Variants in CAMKK1 observed in about 807,000 individuals in gnomAD.
CAMKK1 encodes calcium/calmodulin-dependent protein kinase kinase 1.
In CAMKK1, 20 loss-of-function variants were observed where a neutral mutation model predicts 63.5. The ratio of observed to expected loss-of-function variants is 0.32; its 90% CI spans 0.22 to 0.46. The LOEUF is 0.46. Ranked by LOEUF, CAMKK1 falls within the 20% of genes least tolerant of loss-of-function variation. The pLI, the probability that CAMKK1 is intolerant of heterozygous loss-of-function variation, is 1.00. For missense variants in CAMKK1, 588 were observed against 658.1 expected, an observed-to-expected ratio of 0.89 and a Z score of 1.17; for synonymous variants, 253 against 269.0, an observed-to-expected ratio of 0.94 and a Z score of 0.58.
In CAMKK1 at chr17:3,862,332, A is replaced by C. The variant is rs2054356918; in HGVS notation, c.1446-49T>G. On this transcript the variant is annotated intron_variant, in intron 15 of 15. Transcript: ENST00000348335. This position sits in a 1 kb window ranked among gnomAD's most constrained non-coding sequence, Gnocchi z 4.1. The stretch of plus-strand genomic sequence containing the variant: ...GAGGGACCTCAGGGTCAGAATATGC[A>C]CTCAGGGAGACACTCTCCCTCACAC... 7.3e-7 allele frequency: 1 copy of C among 1,362,134 alleles called. No homozygotes were observed. The highest frequency in any genetic ancestry group is 2.0e-5 in the Admixed American group (1 of 50,802). The allele number at this position is 1,362,134 out of a possible 1,614,324, so 84.4% of individuals were successfully genotyped here.
In CAMKK1 at chr17:3,883,793, G is replaced by C; in HGVS notation, c.462+91C>G. 6.1e-6 allele frequency: 8 copies of C among 1,320,448 alleles called. No homozygotes were observed. The highest frequency in any genetic ancestry group is 8.7e-6 in the Non-Finnish European group (8 of 917,588). The allele number at this position is 1,320,448 out of a possible 1,614,324, so 81.8% of individuals were successfully genotyped here. A position where few individuals can be genotyped will look rare whatever the true frequency, so the allele number is the denominator to read the frequency against. On this transcript the variant is annotated intron_variant, in intron 4 of 15. Transcript: ENST00000348335. This position sits in a 1 kb window ranked among gnomAD's most constrained non-coding sequence, Gnocchi z 4.7. ...AGGGAGCTCACTCTCAGGCAGCCCT[G>C]TCCTCTATCTCCTAAGCACAACTCC...
chr17:3,878,254 G>C (rs1326078781), intron 9 of CAMKK1, among the ~76,000 whole-genome samples: 1 of 152,102 alleles, frequency 6.6e-6, no homozygotes, highest in East Asian at 1.9e-4. Flanking sequence ...CTTGGGGCCA[G>C]AATCACAAGG....
Position 3,862,167 on chromosome 17 carries a change from C to T in CAMKK1, c.*44G>A, listed in dbSNP as rs748971652. On this transcript the variant is annotated 3_prime_UTR_variant, in exon 16 of 16. Coordinates refer to ENST00000348335, the MANE Select transcript of CAMKK1 (RefSeq NM_032294.3). This position sits in a 1 kb window ranked among gnomAD's most constrained non-coding sequence, Gnocchi z 4.1. ...CATGAGGGGTGGGCCTCTGGAGGCGCGGGATGAGTGTGCTGCCGGGTGGCC... is the reference window on the plus strand; with the variant it reads ...CATGAGGGGTGGGCCTCTGGAGGCGTGGGATGAGTGTGCTGCCGGGTGGCC... The T allele has an allele frequency of 1.8e-5, 27 of 1,523,308 alleles. No individual in the cohort carries two copies. Among genetic ancestry groups the T allele is most frequent in the East Asian group, 7.3e-5 (3 of 41,276 alleles). The allele number at this position is 1,523,308 out of a possible 1,614,324, so 94.4% of individuals were successfully genotyped here. A position where few individuals can be genotyped will look rare whatever the true frequency, so the allele number is the denominator to read the frequency against.
In CAMKK1 at chr17:3,882,680, A is replaced by T; in HGVS notation, c.649-116T>A. On this transcript the variant is annotated intron_variant, in intron 6 of 15. Coordinates refer to ENST00000348335, the MANE Select transcript of CAMKK1 (RefSeq NM_032294.3). This position sits in a 1 kb window ranked among gnomAD's most constrained non-coding sequence, Gnocchi z 4.3. ...CTTAGTATGCATGCAACCACCCCAG[A>T]CAAGGAAGCAGGAAGTGTACAGGTG... 1.0e-6 allele frequency: 1 copy of T among 992,170 alleles called. No homozygotes were observed. The highest frequency in any genetic ancestry group is 1.4e-5 in the South Asian group (1 of 69,554). The allele number at this position is 992,170 out of a possible 1,614,324, so 61.5% of individuals were successfully genotyped here.
In CAMKK1 at chr17:3,868,109, G is replaced by A. The variant is rs761812104; in HGVS notation, c.1341+1378C>T. On this transcript the variant is annotated intron_variant, in intron 14 of 15. Transcript: ENST00000348335. ...CGTGGGCTCTGGGGGAGAAGCAGGCGCCGTCTAACTGATACGTGGGCTCTG... is the reference window on the plus strand; with the variant it reads ...CGTGGGCTCTGGGGGAGAAGCAGGCACCGTCTAACTGATACGTGGGCTCTG... Among the ~76,000 whole-genome samples the A allele has an allele frequency of 9.0e-4, 61 of 68,056 alleles. 4 individuals are homozygous for A. Among genetic ancestry groups the A allele is most frequent in the East Asian group, 1.7e-3 (3 of 1,754 alleles). 44.6% of individuals were successfully genotyped at this position (68,056 alleles called of 152,430 possible).
At chr17:3,877,629 G>A (rs1038947781) in intron 9 of CAMKK1, among the ~76,000 whole-genome samples, 3 of 152,184 alleles carry the variant, frequency 2.0e-5, no homozygotes, top group Non-Finnish European at 2.9e-5. Context: ...GGGAGGCTGC[G>A]GGCAGAGAAG....
chr17:3,884,009 G>A lies in CAMKK1; in HGVS notation c.409-72C>T. 1 of 1,464,874 alleles carries A rather than the reference G, an allele frequency of 6.8e-7. No homozygotes were observed. Among genetic ancestry groups the A allele is most frequent in the Admixed American group, 1.7e-5 (1 of 58,696 alleles). The allele number at this position is 1,464,874 out of a possible 1,614,324, so 90.7% of individuals were successfully genotyped here. ...CCAGGACCAGCTCAGGAGGTGGGGA[G>A]CCGAGCAGCTCTGGTCTCTCCTGCA... On this transcript the variant is annotated intron_variant, in intron 3 of 15. Transcript: ENST00000348335. This position sits in a 1 kb window ranked among gnomAD's most constrained non-coding sequence, Gnocchi z 4.5.
intron 11 of CAMKK1, among the ~76,000 whole-genome samples, chr17:3,873,081 G>C (rs2054967029): frequency 6.6e-6 from 1 of 152,228 alleles, no homozygotes; most frequent in South Asian, 2.1e-4. Context: ...AGGACAATTT[G>C]TCGAATAAAT....
At chr17:3,869,936 C>T in intron 12 of CAMKK1, 48 bp from the exon 13 acceptor site, 1 of 1,461,058 alleles carries the variant, frequency 6.8e-7, no homozygotes, top group Non-Finnish European at 9.6e-7. Flanking sequence ...CTGATGAGGA[C>T]CCCTTCCTGT....
In CAMKK1 at chr17:3,861,278, T is replaced by G. The variant is rs2054326942; in HGVS notation, c.*933A>C. 6.6e-6 allele frequency: 1 copy of G among 152,402 alleles called. No individual in the cohort carries two copies. The highest frequency in any genetic ancestry group is 6.5e-5 in the Admixed American group (1 of 15,286). The allele number at this position is 152,402 out of a possible 1,614,324, so 9.4% of individuals were successfully genotyped here. ...GGTAGGCCGGTGTAGGAGGAGAGGC[T>G]GGGTTCCAGTTATTTCAGCATGCGC... On this transcript the variant is annotated 3_prime_UTR_variant, in exon 16 of 16. Coordinates refer to ENST00000348335, the MANE Select transcript of CAMKK1 (RefSeq NM_032294.3).
At position 3,889,514 on chromosome 17, in the gene CAMKK1, C is replaced by G. The variant is rs959614032; in HGVS notation, c.-44+3425G>C. On this transcript the variant is annotated intron_variant, in intron 1 of 15. Transcript: ENST00000348335. This position sits in a 1 kb window ranked among gnomAD's most constrained non-coding sequence, Gnocchi z 5.2. ...GCCTCTTGGAGCCTCTGTTTCCTAA[C>G]ACGTGCATCAAGCAGAAGGCCACTG... 6.6e-6 allele frequency among the ~76,000 whole-genome samples: 1 copy of G among 152,000 alleles called. No homozygotes were observed. Among genetic ancestry groups the G allele is most frequent in the East Asian group, 1.9e-4 (1 of 5,162 alleles).
intron 9 of CAMKK1, among the ~76,000 whole-genome samples, chr17:3,877,625 C>T (rs2055226284): frequency 6.6e-6 from 1 of 152,180 alleles, no homozygotes; most frequent in African/African-American, 2.4e-5. Context: ...GAGAGGGAGG[C>T]TGCGGGCAGA....
Position 3,890,752 on chromosome 17 carries a change from T to G in CAMKK1, c.-44+2187A>C. On this transcript the variant is annotated intron_variant, in intron 1 of 15. Coordinates refer to ENST00000348335, the MANE Select transcript of CAMKK1 (RefSeq NM_032294.3). The surrounding 1 kb of genome is among the most constrained non-coding windows in gnomAD (Gnocchi z 6.5). ...GCATACTCTGTTCTGCTGCCAGGCCTCAGTACAAGCTGTGCCTTCTGCCAG... is the reference window on the plus strand; with the variant it reads ...GCATACTCTGTTCTGCTGCCAGGCCGCAGTACAAGCTGTGCCTTCTGCCAG... 1 of 779,804 alleles carries G rather than the reference T, an allele frequency of 1.3e-6. No individual in the cohort carries two copies. Among genetic ancestry groups the G allele is most frequent in the Non-Finnish European group, 2.4e-6 (1 of 417,984 alleles). 48.3% of individuals were successfully genotyped at this position (779,804 alleles called of 1,614,324 possible). A position where few individuals can be genotyped will look rare whatever the true frequency, so the allele number is the denominator to read the frequency against.
chr17:3,884,980 A>G lies in CAMKK1; in HGVS notation c.360+348T>C, dbSNP rs1163646073. Among the ~76,000 whole-genome samples the G allele has an allele frequency of 6.6e-6, 1 of 152,196 alleles. No individual in the cohort carries two copies. The highest frequency in any genetic ancestry group is 1.5e-5 in the Non-Finnish European group (1 of 68,044). On this transcript the variant is annotated intron_variant, in intron 2 of 15. Coordinates refer to ENST00000348335, the MANE Select transcript of CAMKK1 (RefSeq NM_032294.3). The surrounding 1 kb of genome is among the most constrained non-coding windows in gnomAD (Gnocchi z 4.5). The stretch of plus-strand genomic sequence containing the variant: ...CTTCTGAGTCACAGCAGACTCTAAG[A>G]GGCAGAATTAGAGGCGAGGGGTGCA...
intron 1 of CAMKK1, among the ~76,000 whole-genome samples, chr17:3,888,538 C>T (rs901711813): frequency 2.6e-5 from 4 of 152,330 alleles, no homozygotes; most frequent in South Asian, 2.1e-4. Context: ...CTCACCTCAC[C>T]GCACGTGGTG....
Position 3,885,447 on chromosome 17 carries a change from C to T in CAMKK1, c.241G>A (p.Gly81Arg), listed in dbSNP as rs1005516338. The change falls in exon 2 of 16, where the codon GGA becomes AGA. Residue 81 changes from glycine to arginine, a missense_variant. By Grantham distance (125) the Gly-to-Arg change is moderately radical. Transcript: ENST00000348335. ...RKLSLQERPA[G>R]SYLEAQAGPY... ...CCAGCCTGCGCCTCCAGATAGCTTC[C>T]TGCTGGCCGCTCCTGTAGGGAAAGC... The T allele has an allele frequency of 3.7e-6, 6 of 1,613,390 alleles. No homozygotes were observed. The highest frequency in any genetic ancestry group is 5.1e-6 in the Non-Finnish European group (6 of 1,179,986).
chr17:3,892,625 G>A lies in CAMKK1; in HGVS notation c.-44+314C>T, dbSNP rs1439481549. The stretch of plus-strand genomic sequence containing the variant: ...TCCGCACAGACGTGGCCTCCACCAG[G>A]AGCCGGGCGCGGGGGACAGTGCACC... On this transcript the variant is annotated intron_variant, in intron 1 of 15. Transcript: ENST00000348335. This position sits in a 1 kb window ranked among gnomAD's most constrained non-coding sequence, Gnocchi z 7.5. 2.0e-5 allele frequency among the ~76,000 whole-genome samples: 3 copies of A among 152,226 alleles called. No homozygotes were observed. Among genetic ancestry groups the A allele is most frequent in the Non-Finnish European group, 4.4e-5 (3 of 68,038 alleles).
At chr17:3,867,033 A>G (rs1208180098) in intron 14 of CAMKK1, among the ~76,000 whole-genome samples, 2 of 152,216 alleles carry the variant, frequency 1.3e-5, no homozygotes, top group African/African-American at 4.8e-5. Context: ...CATACAGCTT[A>G]TATTCTAGTT....
At chr17:3,866,858 T>C in intron 14 of CAMKK1, among the ~76,000 whole-genome samples, 1 of 152,218 alleles carries the variant, frequency 6.6e-6, no homozygotes, top group East Asian at 1.9e-4. Context: ...TAGCTGGGAT[T>C]ACAGGCGTCC....
Sources: allele counts gnomAD v4.1 joint callset (sites outside exome capture counted in the v4.1 genomes callset), GRCh38; gene constraint gnomAD v4.1.1; non-coding constraint Gnocchi (gnomAD v3.1); transcripts MANE v1.5; gene names NCBI Gene and HGNC (gene_info 2026-07-23, HGNC 2026-07-21).